The following AGBL3 variants were observed in gnomAD, a reference collection of about 807,000 sequenced individuals.
AGBL3 encodes cytosolic carboxypeptidase 3.
In AGBL3, 68 loss-of-function variants were observed where a neutral mutation model predicts 94.5. That is an observed-to-expected ratio of 0.72 (90% CI 0.59 to 0.88). The LOEUF (loss-of-function observed/expected upper bound fraction) is 0.88. AGBL3 is among the 40% of genes least tolerant of loss of function. AGBL3 has a pLI of 0.00. For missense variants in AGBL3, 934 were observed against 1,103.8 expected, an observed-to-expected ratio of 0.85 and a Z score of 2.18; for synonymous variants, 354 against 370.7, an observed-to-expected ratio of 0.95 and a Z score of 0.52.
At chr7:135,043,025 G>A (rs1416076510) in intron 8 of AGBL3, among the ~76,000 whole-genome samples, 3 of 151,924 alleles carry the variant, frequency 2.0e-5, no homozygotes, top group African/African-American at 7.3e-5. Context: ...AATCTTTCAG[G>A]GCATAATTTC....
At chr7:135,090,692 G>A (rs1295085489) in intron 15 of AGBL3, among the ~76,000 whole-genome samples, 2 of 152,148 alleles carry the variant, frequency 1.3e-5, no homozygotes, top group African/African-American at 4.8e-5. Context: ...AGGCACTGGG[G>A]AGGCATGACT....
chr7:135,004,596 A>C (rs1812149341), intron 4 of AGBL3, among the ~76,000 whole-genome samples: 1 of 147,968 alleles, frequency 6.8e-6, no homozygotes, highest in African/African-American at 2.5e-5. Flanking sequence ...GTTACATCTA[A>C]GTTTCCTATA....
chr7:135,021,355 T>G (rs1021359685), intron 5 of AGBL3, among the ~76,000 whole-genome samples: 63 of 151,384 alleles, frequency 4.2e-4, no homozygotes, highest in African/African-American at 1.5e-3. Context: ...GCAGTGGCGC[T>G]ATCTCGGCTC....
rs965674790 is a variant in AGBL3 at position 135,045,961 on chromosome 7, G to A, written c.1841+50G>A. On this transcript the variant is annotated intron_variant, in intron 11 of 16. Transcript: ENST00000436302. ...GCAATTTGTTGTGCTGTTTTACTAT[G>A]TTCTTTATAATTATACCAGCATTTT... The A allele has an allele frequency of 5.0e-6, 6 of 1,192,468 alleles. No individual in the cohort carries two copies. The African/African-American group carries it at 6.2e-5, about 12-fold the overall frequency. The allele number at this position is 1,192,468 out of a possible 1,614,324, so 73.9% of individuals were successfully genotyped here.
At chr7:134,987,232 T>C (rs1302109597) in intron 1 of AGBL3, among the ~76,000 whole-genome samples, 2 of 152,190 alleles carry the variant, frequency 1.3e-5, no homozygotes, top group East Asian at 1.9e-4. Context: ...AGATTTGAAA[T>C]TGTCGAGTCC....
chr7:135,056,800 G>A (rs1818381203), intron 11 of AGBL3, among the ~76,000 whole-genome samples: 1 of 152,108 alleles, frequency 6.6e-6, no homozygotes, highest in Non-Finnish European at 1.5e-5. Context: ...TTGTTAAGAT[G>A]TCAGTTCCTC....
intron 11 of AGBL3, among the ~76,000 whole-genome samples, chr7:135,057,646 A>G (rs771991307): frequency 6.6e-6 from 1 of 152,232 alleles, no homozygotes; most frequent in African/African-American, 2.4e-5. Flanking sequence ...AAAGCTAAGC[A>G]TAGTCTCAAC....
intron 14 of AGBL3, among the ~76,000 whole-genome samples, 187 bp from the exon 15 acceptor site, chr7:135,081,532 G>A (rs1820923316): frequency 6.6e-6 from 1 of 152,050 alleles, no homozygotes; most frequent in Non-Finnish European, 1.5e-5. Flanking sequence ...GGCCCAAAAG[G>A]TATGAACATT....
intron 7 of AGBL3, among the ~76,000 whole-genome samples, chr7:135,035,532 AAG>A (rs1346476637): frequency 6.6e-6 from 1 of 152,116 alleles, no homozygotes; most frequent in African/African-American, 2.4e-5. Flanking sequence ...ATATTAGAAT[AAG>A]AGAGTAGATT....
intron 16 of AGBL3, among the ~76,000 whole-genome samples, chr7:135,116,385 CAA>C (rs1826315136): frequency 6.6e-6 from 1 of 152,068 alleles, no homozygotes; most frequent in Non-Finnish European, 1.5e-5. Context: ...ACTTAATATA[CAA>C]AGAGTGCTTA....
intron 15 of AGBL3, among the ~76,000 whole-genome samples, chr7:135,114,542 TC>T (rs1381236558): frequency 1.3e-5 from 2 of 152,096 alleles, no homozygotes; most frequent in African/African-American, 4.8e-5. Flanking sequence ...TACTGCCATT[TC>T]CTCAAACTAG....
intron 11 of AGBL3, 49 bp from the exon 12 acceptor site, chr7:135,059,120 T>A: frequency 7.3e-7 from 1 of 1,373,896 alleles, no homozygotes; most frequent in South Asian, 1.3e-5. Flanking sequence ...AGTTGAAATT[T>A]TAAGATGCCA....
chr7:135,094,414 G>A lies in AGBL3; in HGVS notation c.2110+12624G>A, dbSNP rs760533884. On this transcript the variant is annotated intron_variant, in intron 15 of 16. Transcript: ENST00000436302. ...AGCTGCTAGAATCATAAACTGGTAGGAACACTTAAACAGTGATTTTAACAA... is the reference window on the plus strand; with the variant it reads ...AGCTGCTAGAATCATAAACTGGTAGAAACACTTAAACAGTGATTTTAACAA... 66 of 456,684 alleles carry A rather than the reference G, an allele frequency of 1.4e-4. 1 individual carries two copies. Among genetic ancestry groups the A allele is most frequent in the South Asian group, 9.9e-4 (64 of 64,558 alleles). The allele number at this position is 456,684 out of a possible 1,614,324, so 28.3% of individuals were successfully genotyped here.
At chr7:135,099,077 A>G (rs1211886408) in intron 15 of AGBL3, among the ~76,000 whole-genome samples, 3 of 152,216 alleles carry the variant, frequency 2.0e-5, no homozygotes, top group Admixed American at 6.5e-5. Flanking sequence ...TAAATAATAT[A>G]GAATAATAAA....
Position 135,081,750 on chromosome 7 carries a change from G to T in AGBL3, c.2070G>T (p.Met690Ile). The T allele has an allele frequency of 6.5e-7, 1 of 1,541,974 alleles. No individual in the cohort carries two copies. The highest frequency in any genetic ancestry group is 1.2e-5 in the South Asian group (1 of 82,420). The change falls in exon 15 of 17, where the codon ATG (methionine) becomes ATT (isoleucine). Residue 690 changes from methionine to isoleucine, a missense_variant. Met to Ile is a conservative substitution (Grantham distance 10). Around this residue, in one of 3 missense-constraint regions of AGBL3, gnomAD observed 441 missense variants for 518.2 expected, o/e 0.85. Transcript: ENST00000436302. The stretch of plus-strand genomic sequence containing the variant: ...GGCCAAATGAACCAGATGATTATAT[G>T]GTTGATTATTTCAGAAGACAATTAC... The part of the protein sequence containing the change: ...DTRPNEPDDY[M>I]VDYFRRQLPN...
chr7:135,007,433 C>T (rs1372242529), intron 4 of AGBL3, among the ~76,000 whole-genome samples: 1 of 151,780 alleles, frequency 6.6e-6, no homozygotes, highest in Non-Finnish European at 1.5e-5. Flanking sequence ...TAAAAAGAAA[C>T]AAGATAATTT....
At chr7:135,122,416 T>G (rs934822649) in intron 16 of AGBL3, among the ~76,000 whole-genome samples, 3 of 152,044 alleles carry the variant, frequency 2.0e-5, no homozygotes, top group Non-Finnish European at 4.4e-5. Flanking sequence ...GCGGGAGGGG[T>G]GACCACAGTC....
At chr7:135,091,106 C>T (rs1373427266) in intron 15 of AGBL3, among the ~76,000 whole-genome samples, 1 of 152,078 alleles carries the variant, frequency 6.6e-6, no homozygotes, top group Non-Finnish European at 1.5e-5. Flanking sequence ...GCTTTCTCTT[C>T]CTTGCTGTAG....
chr7:135,059,975 A>G (rs948447602), intron 12 of AGBL3, among the ~76,000 whole-genome samples: 2 of 152,220 alleles, frequency 1.3e-5, no homozygotes, highest in South Asian at 4.1e-4. Context: ...GGTAGGGTCA[A>G]CTGGTCTTGG....
Sources: gnomAD v4.1 joint callset for allele counts (sites outside exome capture counted in the v4.1 genomes callset) on GRCh38, gnomAD v4.1.1 for gene constraint, gnomAD v4.1.1 regional missense constraint, MANE v1.5 for transcripts, NCBI Gene and HGNC (gene_info 2026-07-23, HGNC 2026-07-21) for gene names.